The following ATG12 variants were observed in gnomAD, a reference collection of about 807,000 sequenced individuals.
ATG12 encodes the protein ubiquitin-like protein ATG12.
ATG12 carries 19 observed loss-of-function variants against 17.6 expected under a neutral mutation model. The observed-to-expected ratio is 1.08, with a 90% CI of 0.75 to 1.58. The LOEUF is 1.58. Ranked by LOEUF, ATG12 falls within the 40% of genes most tolerant of loss-of-function variation. The pLI is 0.00. For missense variants in ATG12, 214 were observed against 162.0 expected (o/e 1.32, Z -1.74); for synonymous variants, 75 against 62.4 (o/e 1.20, Z -0.95).
intron 2 of ATG12, 138 bp downstream of exon 2, chr5:115,837,490 T>C (rs1225006919): frequency 2.2e-6 from 2 of 902,192 alleles, no homozygotes; most frequent in Non-Finnish European, 1.7e-6. Flanking sequence ...AATGAATAAA[T>C]AAAAATAAAG....
chr5:115,829,838 C>T lies in ATG12; in HGVS notation c.*1966G>A, dbSNP rs755190821. The T allele has an allele frequency of 1.3e-5, 2 of 152,112 alleles. No individual in the cohort carries two copies. Among genetic ancestry groups the T allele is most frequent in the African/African-American group, 2.4e-5 (1 of 41,418 alleles). The allele number at this position is 152,112 out of a possible 1,614,324, so 9.4% of individuals were successfully genotyped here. On this transcript the variant is annotated 3_prime_UTR_variant, in exon 4 of 4. Coordinates refer to ENST00000509910, the MANE Select transcript of ATG12 (RefSeq NM_004707.4). Reference sequence around the variant, plus strand: ...AAAAGTACAAAGTCCAGGCCCGGCACGGTGGCTCACACCTATAATCCCAGC... The same window carrying T: ...AAAAGTACAAAGTCCAGGCCCGGCATGGTGGCTCACACCTATAATCCCAGC...
chr5:115,839,720 G>A (rs1298852590), intron 1 of ATG12, among the ~76,000 whole-genome samples: 1 of 152,218 alleles, frequency 6.6e-6, no homozygotes, highest in Non-Finnish European at 1.5e-5. Context: ...ACCTTGGTCT[G>A]TTTCAACAAT....
intron 2 of ATG12, among the ~76,000 whole-genome samples, chr5:115,835,914 A>G (rs191556443): frequency 6.6e-6 from 1 of 152,070 alleles, no homozygotes; most frequent in Non-Finnish European, 1.5e-5. Context: ...ACAAATACTA[A>G]TCAGGGGTTT....
intron 1 of ATG12, chr5:115,839,343 A>T (rs1289357936): frequency 6.7e-6 from 1 of 149,758 alleles, no homozygotes; most frequent in Non-Finnish European, 1.5e-5. Flanking sequence ...CTACTAAAGA[A>T]CTACTTAATT....
chr5:115,841,279 T>A, intron 1 of ATG12, 111 bp downstream of exon 1: 1 of 1,396,790 alleles, frequency 7.2e-7, no homozygotes, highest in Non-Finnish European at 9.8e-7. Flanking sequence ...CTGGTCAAAA[T>A]GCAGGTCTAG....
At chr5:115,840,599 G>C in intron 1 of ATG12, 3 of 1,279,328 alleles carry the variant, frequency 2.3e-6, no homozygotes, top group South Asian at 2.5e-5. Flanking sequence ...CGCCCGGCCA[G>C]AGACCACTGT....
Position 115,832,562 on chromosome 5 carries a change from AATTTCTTT to A in ATG12, c.363+32_363+39del, listed in dbSNP as rs1231504091. On this transcript the variant is annotated intron_variant, in intron 3 of 3. Transcript: ENST00000509910. ...TACTCGATTAAGAAAAAAAAGCAGT[AATTTCTTT>A]CTTTTTTTTTTTTTTTTTTTTTTTT... The A allele has an allele frequency of 3.4e-6, 5 of 1,456,546 alleles. No homozygotes were observed. In the African/African-American group the frequency reaches 8.6e-5, roughly 25 times the overall value. The allele number at this position is 1,456,546 out of a possible 1,614,324, so 90.2% of individuals were successfully genotyped here.
intron 2 of ATG12, among the ~76,000 whole-genome samples, chr5:115,836,996 A>C (rs995968491): frequency 1.2e-4 from 18 of 152,232 alleles, no homozygotes; most frequent in African/African-American, 4.1e-4. Flanking sequence ...GAAAAATAGG[A>C]AAAAAGTAAC....
chr5:115,832,690 G>C (rs1310408331), intron 2 of ATG12, 26 bp from the exon 3 acceptor site: 6 of 1,484,798 alleles, frequency 4.0e-6, no homozygotes, highest in African/African-American at 1.5e-5. Context: ...GAAAAACAGA[G>C]ATGTTTAATG....
At position 115,832,618 on chromosome 5, in the gene ATG12, A is replaced by ACTT; in HGVS notation, c.344_346dup (p.Glu115dup). The ACTT allele has an allele frequency of 7.1e-7, 1 of 1,405,786 alleles. No individual in the cohort carries two copies. Among genetic ancestry groups the ACTT allele is most frequent in the Non-Finnish European group, 9.3e-7 (1 of 1,075,082 alleles). 87.1% of individuals were successfully genotyped at this position (1,405,786 alleles called of 1,614,324 possible). On this transcript the variant is annotated inframe_insertion, in exon 3 of 4. Transcript: ENST00000509910. ...TTTTTTTACCTCATAGAGAGTTCCA[A>ACTT]CTTCTTGGTCTGGGGAAGGAGCAAA...
rs1348102811 is a variant in ATG12 at position 115,830,256 on chromosome 5, GAA to G, written c.*1546_*1547del. The G allele has an allele frequency of 3.4e-5, 5 of 147,940 alleles. No individual in the cohort carries two copies. The highest frequency in any genetic ancestry group is 7.4e-5 in the Non-Finnish European group (5 of 67,740). 9.2% of individuals were successfully genotyped at this position (147,940 alleles called of 1,614,324 possible). A position where few individuals can be genotyped will look rare whatever the true frequency, so the allele number is the denominator to read the frequency against. On this transcript the variant is annotated 3_prime_UTR_variant, in exon 4 of 4. Transcript: ENST00000509910. Reference sequence around the variant, plus strand: ...ACTATTAAGTTATTTAGGTCAAAAAGAATAACTAAATGGATGCTACAAATTTC... The same window carrying G: ...ACTATTAAGTTATTTAGGTCAAAAAGTAACTAAATGGATGCTACAAATTTC...
In ATG12 at chr5:115,841,475, G is replaced by C; in HGVS notation, c.78C>G (p.Ser26=). 2 of 1,611,364 alleles carry C rather than the reference G, an allele frequency of 1.2e-6. No individual in the cohort carries two copies. The highest frequency in any genetic ancestry group is 1.7e-6 in the Non-Finnish European group (2 of 1,179,282). ...AAGGEGLTDV[S]PETTTPEPPS... ...GGGGCTCCGGGGTGGTTGTTTCTGG[G>C]GAGACATCCGTAAGTCCTTCCCCTC... The change falls in exon 1 of 4, where the codon TCC becomes TCG. Residue 26 remains serine (S), a synonymous_variant. Transcript: ENST00000509910.
chr5:115,832,116 C>T (rs961790608), intron 3 of ATG12, among the ~76,000 whole-genome samples: 15 of 152,136 alleles, frequency 9.9e-5, no homozygotes, highest in African/African-American at 3.6e-4. Flanking sequence ...CCTTTCTCTA[C>T]ATGTCCAACC....
chr5:115,841,367 T>C (rs756653178), intron 1 of ATG12, 23 bp downstream of exon 1: 1 of 1,609,632 alleles, frequency 6.2e-7, no homozygotes, highest in Non-Finnish European at 8.5e-7. Flanking sequence ...CCCGCCTCTC[T>C]GCCCGGAAAT....
chr5:115,837,527 A>G (rs1324792804), intron 2 of ATG12, 101 bp downstream of exon 2: 7 of 1,244,998 alleles, frequency 5.6e-6, no homozygotes, highest in Admixed American at 2.2e-5. Context: ...CAAAAGCGAC[A>G]TATGTGGCTC....
intron 2 of ATG12, chr5:115,833,975 C>T (rs1326285935): frequency 8.5e-5 from 13 of 152,092 alleles, no homozygotes; most frequent in Admixed American, 8.5e-4. Flanking sequence ...CCTCAATGAG[C>T]TTATAATCTG....
rs772445971 is a variant in ATG12 at position 115,831,834 on chromosome 5, T to C, written c.393A>G (p.Leu131=). Reference sequence around the variant, plus strand: ...CCCACGCCTGAGACTTGCAGTAATGTAAAACCAGTTTACCATCACTGCCAA... The same window carrying C: ...CCCACGCCTGAGACTTGCAGTAATGCAAAACCAGTTTACCATCACTGCCAA... ...ECFGSDGKLV[L]HYCKSQAWG Residue 131 remains leucine, a synonymous_variant, in exon 4 of 4, where the codon TTA becomes TTG. Coordinates refer to ENST00000509910, the MANE Select transcript of ATG12 (RefSeq NM_004707.4). 5.0e-6 allele frequency: 8 copies of C among 1,612,026 alleles called. No homozygotes were observed. Among genetic ancestry groups the C allele is most frequent in the Non-Finnish European group, 6.8e-6 (8 of 1,179,368 alleles).
chr5:115,840,289 C>T (rs1219796506), intron 1 of ATG12, among the ~76,000 whole-genome samples: 1 of 151,216 alleles, frequency 6.6e-6, no homozygotes, highest in South Asian at 2.1e-4. Context: ...AGCAATGAGA[C>T]CAATGTCTTT....
At chr5:115,838,346 T>C (rs1372767544) in intron 1 of ATG12, 2 of 152,266 alleles carry the variant, frequency 1.3e-5, no homozygotes, top group East Asian at 3.8e-4. Flanking sequence ...CCAAAAAGGA[T>C]ATTTGGAGGT....
Sources: allele counts gnomAD v4.1 joint callset (sites outside exome capture counted in the v4.1 genomes callset), GRCh38; gene constraint gnomAD v4.1.1; transcripts MANE v1.5; gene names NCBI Gene and HGNC (gene_info 2026-07-23, HGNC 2026-07-21).